Variants in RIMS2 observed in about 807,000 individuals in gnomAD.
RIMS2 encodes the protein regulating synaptic membrane exocytosis protein 2.
In RIMS2, 59 loss-of-function variants were observed where a neutral mutation model predicts 174.4. That is an observed-to-expected ratio of 0.34 (90% CI 0.27 to 0.42). RIMS2 has a LOEUF of 0.42. RIMS2 is among the 10% of genes least tolerant of loss of function. The probability of loss-of-function intolerance (pLI) is 1.00; values close to 1 mark genes in which losing one functional copy is unlikely to be tolerated. For missense variants in RIMS2, 1,620 were observed against 1,666.3 expected, an observed-to-expected ratio of 0.97 and a Z score of 0.48; for synonymous variants, 606 against 572.5, an observed-to-expected ratio of 1.06 and a Z score of -0.84.
At chr8:103,739,282 A>G (rs1174490840) in intron 2 of RIMS2, among the ~76,000 whole-genome samples, 3 of 152,164 alleles carry the variant, frequency 2.0e-5, no homozygotes, top group African/African-American at 7.2e-5. Context: ...CGCAAGGACA[A>G]AAACCCAAAC....
chr8:103,601,976 A>C (rs1454689000), intron 1 of RIMS2, among the ~76,000 whole-genome samples: 2 of 151,768 alleles, frequency 1.3e-5, no homozygotes, highest in Admixed American at 6.6e-5. Flanking sequence ...TTTTATTTTT[A>C]TTATTTATTT....
At chr8:103,751,871 A>T (rs1464186981) in intron 2 of RIMS2, among the ~76,000 whole-genome samples, 2 of 151,378 alleles carry the variant, frequency 1.3e-5, no homozygotes, top group East Asian at 3.9e-4. Flanking sequence ...GAGTAGGTTG[A>T]GAAAATTTTC....
In RIMS2 at chr8:103,944,500, T is replaced by C. The variant is rs75376250; in HGVS notation, c.2701+1574T>C. Among the ~76,000 whole-genome samples, 1,502 of 152,136 alleles carry C rather than the reference T, an allele frequency of 9.9e-3. 19 individuals are homozygous for C. Among genetic ancestry groups the C allele is most frequent in the South Asian group, 0.046 (223 of 4,826 alleles). On this transcript the variant is annotated intron_variant, in intron 14 of 23. Transcript: ENST00000504942. ...GACTGGCCTTCAGTTTTTATTGCAA[T>C]AGGTAATAGATTGAGGACTCTGAAT...
intron 1 of RIMS2, among the ~76,000 whole-genome samples, chr8:103,522,434 AGTT>A (rs777484530): frequency 9.2e-5 from 14 of 152,100 alleles, no homozygotes; most frequent in Non-Finnish European, 1.9e-4. Flanking sequence ...TGTTAAACAG[AGTT>A]GTTCTGATTC....
chr8:103,794,717 G>C (rs1370946401), intron 3 of RIMS2, among the ~76,000 whole-genome samples: 1 of 152,070 alleles, frequency 6.6e-6, no homozygotes, highest in Non-Finnish European at 1.5e-5. Context: ...AATCTACAAA[G>C]TACTTAAACA....
intron 4 of RIMS2, among the ~76,000 whole-genome samples, chr8:103,905,342 A>G (rs2074145696): frequency 6.6e-6 from 1 of 152,012 alleles, no homozygotes; most frequent in Non-Finnish European, 1.5e-5. Context: ...CATTTCTGAG[A>G]GATAATTTCA....
chr8:104,047,074 A>T (rs2096708608), intron 19 of RIMS2, among the ~76,000 whole-genome samples: 1 of 152,046 alleles, frequency 6.6e-6, no homozygotes, highest in African/African-American at 2.4e-5. Flanking sequence ...ATTCAAATAA[A>T]AGAAAAGAGT....
chr8:103,526,934 A>G (rs184194011), intron 1 of RIMS2, among the ~76,000 whole-genome samples: 2 of 152,322 alleles, frequency 1.3e-5, no homozygotes, highest in African/African-American at 4.8e-5. Flanking sequence ...CGAAGGAGAA[A>G]TAAAAGAAAA....
At chr8:103,606,444 G>T (rs1199618954) in intron 1 of RIMS2, among the ~76,000 whole-genome samples, 3 of 152,020 alleles carry the variant, frequency 2.0e-5, no homozygotes, top group African/African-American at 7.2e-5. Context: ...TTTGGAATAA[G>T]TGTGGTGTGG....
At chr8:103,758,379 A>T (rs919014620) in intron 2 of RIMS2, among the ~76,000 whole-genome samples, 2 of 152,196 alleles carry the variant, frequency 1.3e-5, no homozygotes, top group East Asian at 3.8e-4. Context: ...AAATTCATAT[A>T]TACAAACCAA....
chr8:104,035,791 C>T (rs1004990255), intron 19 of RIMS2, among the ~76,000 whole-genome samples: 2 of 152,004 alleles, frequency 1.3e-5, no homozygotes, highest in Non-Finnish European at 2.9e-5. Context: ...GGGTTCTGTT[C>T]TTGGTCATTA....
chr8:103,564,868 T>C (rs2132105311), intron 1 of RIMS2, among the ~76,000 whole-genome samples: 1 of 152,328 alleles, frequency 6.6e-6, no homozygotes, highest in South Asian at 2.1e-4. Flanking sequence ...AAGTTGACAC[T>C]CAACCATCAC....
chr8:104,241,058 C>T (rs1485349381), intron 19 of RIMS2, among the ~76,000 whole-genome samples: 2 of 152,142 alleles, frequency 1.3e-5, no homozygotes, highest in African/African-American at 4.8e-5. Flanking sequence ...AAAAGAGAAG[C>T]AGTTTGATCC....
chr8:103,553,502 C>T (rs529563849), intron 1 of RIMS2, among the ~76,000 whole-genome samples: 18 of 151,922 alleles, frequency 1.2e-4, no homozygotes, highest in South Asian at 2.1e-4. Context: ...ATGTAAATGA[C>T]GAGTTAATGG....
At chr8:104,195,074 T>C (rs577769806) in intron 19 of RIMS2, among the ~76,000 whole-genome samples, 10 of 152,228 alleles carry the variant, frequency 6.6e-5, no homozygotes, top group Non-Finnish European at 1.5e-4. Flanking sequence ...TTTAAATAGC[T>C]CATTCTGGCT....
intron 19 of RIMS2, among the ~76,000 whole-genome samples, chr8:104,153,128 G>C (rs1028103975): frequency 6.6e-6 from 1 of 152,064 alleles, no homozygotes; most frequent in African/African-American, 2.4e-5. Flanking sequence ...ACACATAGAG[G>C]CTAAGTTATA....
At chr8:103,765,864 G>C (rs1403208859) in intron 2 of RIMS2, among the ~76,000 whole-genome samples, 3 of 151,988 alleles carry the variant, frequency 2.0e-5, no homozygotes, top group Non-Finnish European at 4.4e-5. Flanking sequence ...AAGTTGCAAA[G>C]TTTCTAATTT....
At chr8:103,819,514 T>A in intron 3 of RIMS2, 2 of 1,612,888 alleles carry the variant, frequency 1.2e-6, no homozygotes, top group Non-Finnish European at 1.7e-6. Flanking sequence ...GAAAATGCAA[T>A]TTGAGACATT....
At chr8:104,036,125 T>G (rs1468076949) in intron 19 of RIMS2, among the ~76,000 whole-genome samples, 2 of 136,502 alleles carry the variant, frequency 1.5e-5, no homozygotes, top group African/African-American at 6.1e-5. Flanking sequence ...AAAATAAAAT[T>G]TATTTTATTT....
Sources: allele counts gnomAD v4.1 joint callset (sites outside exome capture counted in the v4.1 genomes callset), GRCh38; gene constraint gnomAD v4.1.1; transcripts MANE v1.5; gene names NCBI Gene and HGNC (gene_info 2026-07-23, HGNC 2026-07-21).